P2RY8: variants seen among roughly 807,000 people sequenced by gnomAD.
P2RY8 encodes P2Y receptor family member 8, also known as S-geranylgeranyl-glutathione receptor P2RY8.
A neutral mutation model predicts 10.0 loss-of-function variants in P2RY8; 6 were observed. That is an observed-to-expected ratio of 0.60 (90% CI 0.33 to 1.19). The LOEUF (loss-of-function observed/expected upper bound fraction) is 1.19. P2RY8 is among the 50% of genes most tolerant of loss of function. The pLI is 0.04. For missense variants in P2RY8, 456 were observed against 542.0 expected (o/e 0.84, Z 1.58); for synonymous variants, 276 against 252.5 (o/e 1.09, Z -0.88).
chrX:1,522,196 C>A (rs1206257087), intron 1 of P2RY8, among the ~76,000 whole-genome samples: 1 of 151,546 alleles, frequency 6.6e-6, no homozygotes, highest in Non-Finnish European at 1.5e-5. Context: ...CTCAGGTGAT[C>A]CACCCGCCTC....
Position 1,465,808 on chromosome X carries a change from C to T in P2RY8, c.751G>A (p.Ala251Thr). 6.2e-7 allele frequency: 1 copy of T among 1,613,336 alleles called. No individual in the cohort carries two copies. The highest frequency in any genetic ancestry group is 8.5e-7 in the Non-Finnish European group (1 of 1,179,814). ...VVLLAFVTCF[A>T]PNNFVLLAHI... is the part of the protein sequence containing the mutation. ...GCCAGGAGCACGAAGTTGTTGGGGG[C>T]GAAGCAGGTGACAAAGGCCAGCAAG... Residue 251 changes from alanine (A) to threonine (T), a missense_variant, in exon 2 of 2, where the codon GCC (alanine) becomes ACC (threonine). Physicochemically the swap from Ala to Thr is moderately conservative, Grantham distance 58. Transcript: ENST00000381297.
chrX:1,466,116 C>T lies in P2RY8; in HGVS notation c.443G>A (p.Trp148Ter). ...RYAVAACAGT[W>*]LLLLTALSPL... is the part of the protein sequence containing the mutation. ...GGACAGGGCGGTCAGGAGCAGCAGC[C>T]AGGTCCCTGCACACGCGGCCACCGC... Residue 148 changes from tryptophan (W) to a stop codon, truncating the protein, a stop_gained, in exon 2 of 2, where the codon TGG becomes TAG. Coordinates refer to ENST00000381297, the MANE Select transcript of P2RY8 (RefSeq NM_178129.5). LOFTEE classifies it low-confidence loss of function (END_TRUNC). The T allele has an allele frequency of 2.5e-6, 4 of 1,611,734 alleles. No homozygotes were observed. Among genetic ancestry groups the T allele is most frequent in the Non-Finnish European group, 3.4e-6 (4 of 1,179,514 alleles).
At chrX:1,535,714 CAGACACACACACAG>C (rs1465071637) in intron 1 of P2RY8, among the ~76,000 whole-genome samples, 1 of 145,466 alleles carries the variant, frequency 6.9e-6, no homozygotes, top group Non-Finnish European at 1.5e-5. Context: ...CACACACACA[CAGACACACACACAG>C]ACACACACAC....
chrX:1,508,533 G>C (rs143737285), intron 1 of P2RY8, among the ~76,000 whole-genome samples: 5,605 of 152,116 alleles, frequency 0.037, 353 homozygotes, highest in African/African-American at 0.13. Context: ...ATCCATCTAT[G>C]TATCTACCTA....
intron 1 of P2RY8, among the ~76,000 whole-genome samples, chrX:1,533,829 A>G (rs1170532033): frequency 1.7e-5 from 2 of 119,818 alleles, no homozygotes; most frequent in Non-Finnish European, 3.2e-5. Flanking sequence ...TATATATTAT[A>G]TACTTATATT....
At position 1,465,875 on chromosome X, in the gene P2RY8, G is replaced by C; in HGVS notation, c.684C>G (p.Gly228=). 4.3e-6 allele frequency: 7 copies of C among 1,612,366 alleles called. No homozygotes were observed. Among genetic ancestry groups the C allele is most frequent in the Non-Finnish European group, 5.1e-6 (6 of 1,179,658 alleles). ...CCACCGCGCGCCTCCGCTGCTCCCGGCCGTGCGCCTCCTCCGTGCGCAACA... is the reference window on the plus strand; with the variant it reads ...CCACCGCGCGCCTCCGCTGCTCCCGCCCGTGCGCCTCCTCCGTGCGCAACA... ...LKLLRTEEAH[G]REQRRRAVGL... is the part of the protein sequence containing the mutation. Residue 228 remains glycine, a synonymous_variant, in exon 2 of 2, where the codon GGC becomes GGG. Coordinates refer to ENST00000381297, the MANE Select transcript of P2RY8 (RefSeq NM_178129.5).
intron 1 of P2RY8, among the ~76,000 whole-genome samples, chrX:1,486,840 C>T (rs139310681): frequency 3.3e-5 from 5 of 152,338 alleles, no homozygotes; most frequent in Non-Finnish European, 5.9e-5. Flanking sequence ...TCCCTGCCCG[C>T]GCTGAGTCCT....
At chrX:1,517,123 T>G (rs2092356901) in intron 1 of P2RY8, among the ~76,000 whole-genome samples, 1 of 150,966 alleles carries the variant, frequency 6.6e-6, no homozygotes, top group Non-Finnish European at 1.5e-5. Context: ...AATCTTGGAT[T>G]TCCAGCCTCC....
At chrX:1,474,659 G>A (rs1246121937) in intron 1 of P2RY8, among the ~76,000 whole-genome samples, 5 of 144,922 alleles carry the variant, frequency 3.5e-5, no homozygotes, top group African/African-American at 5.2e-5. Context: ...TGGACGTGTG[G>A]GTGGATGGAT....
At chrX:1,493,408 G>GGAGGA (rs376561446) in intron 1 of P2RY8, among the ~76,000 whole-genome samples, 1 of 14,998 alleles carries the variant, frequency 6.7e-5, no homozygotes, top group African/African-American at 1.1e-4. Context: ...AAGGAGGAAG[G>GGAGGA]AGGAGGAAGG....
rs184266623 is a variant in P2RY8 at position 1,516,060 on chromosome X, G to A, written c.-25+20861C>T. 4.9e-3 allele frequency among the ~76,000 whole-genome samples: 736 copies of A among 151,346 alleles called. 12 individuals carry two copies. The highest frequency in any genetic ancestry group is 0.016 in the African/African-American group (665 of 41,270). ...AAAATACTAAAAATTAGCCAGGCGC[G>A]GTGGCAGGCACCTGTAATCCCACCT... On this transcript the variant is annotated intron_variant, in intron 1 of 1. Coordinates refer to ENST00000381297, the MANE Select transcript of P2RY8 (RefSeq NM_178129.5).
chrX:1,516,907 G>T (rs1292958681), intron 1 of P2RY8, among the ~76,000 whole-genome samples: 1 of 151,632 alleles, frequency 6.6e-6, no homozygotes, highest in African/African-American at 2.4e-5. Context: ...CCAGGGCTGT[G>T]GGACAATCAA....
At chrX:1,536,722 C>A (rs1270257693) in intron 1 of P2RY8, among the ~76,000 whole-genome samples, 199 bp downstream of exon 1, 4 of 152,110 alleles carry the variant, frequency 2.6e-5, no homozygotes, top group African/African-American at 7.2e-5. Context: ...GCATTTCTCC[C>A]CTAAGTGACG....
chrX:1,525,696 C>A (rs1198179879), intron 1 of P2RY8, among the ~76,000 whole-genome samples: 4 of 151,972 alleles, frequency 2.6e-5, no homozygotes, highest in Non-Finnish European at 5.9e-5. Flanking sequence ...TGCATCCATT[C>A]ATTCACTCAT....
At chrX:1,533,411 T>G (rs1164681608) in intron 1 of P2RY8, among the ~76,000 whole-genome samples, 6 of 145,524 alleles carry the variant, frequency 4.1e-5, no homozygotes, top group African/African-American at 1.5e-4. Context: ...TTTTTATTAT[T>G]TATATATTAT....
chrX:1,502,019 T>TC (rs1434319906), intron 1 of P2RY8, among the ~76,000 whole-genome samples: 6 of 152,162 alleles, frequency 3.9e-5, no homozygotes, highest in Non-Finnish European at 8.8e-5. Context: ...CAAACGATTG[T>TC]CCTGCCTCGG....
chrX:1,496,324 C>T (rs1433859679), intron 1 of P2RY8, among the ~76,000 whole-genome samples: 2 of 152,150 alleles, frequency 1.3e-5, no homozygotes, highest in African/African-American at 2.4e-5. Flanking sequence ...AGAGACAGCA[C>T]GTTACAGGGT....
chrX:1,499,158 C>CT (rs1258712757), intron 1 of P2RY8, among the ~76,000 whole-genome samples: 2 of 99,010 alleles, frequency 2.0e-5, no homozygotes, highest in African/African-American at 3.4e-5. Context: ...TTTTCTTTTT[C>CT]TTTTCTTTTT....
chrX:1,501,628 C>T (rs2149398028), intron 1 of P2RY8, among the ~76,000 whole-genome samples: 1 of 152,156 alleles, frequency 6.6e-6, no homozygotes, highest in Non-Finnish European at 1.5e-5. Context: ...AAGTTTCACT[C>T]TGTTGCCCAG....
Sources: allele counts gnomAD v4.1 joint callset (sites outside exome capture counted in the v4.1 genomes callset), GRCh38; gene constraint gnomAD v4.1.1; transcripts MANE v1.5; gene names NCBI Gene and HGNC (gene_info 2026-07-23, HGNC 2026-07-21).